FAM200B: variants seen among roughly 807,000 people sequenced by gnomAD.
FAM200B encodes protein FAM200B.
In FAM200B, 32 loss-of-function variants were observed where a neutral mutation model predicts 33.1. That is an observed-to-expected ratio of 0.97 (90% CI 0.73 to 1.30). FAM200B has a LOEUF of 1.30. Among genes scored for constraint, FAM200B ranks in the 50% most tolerant of loss-of-function variants. The pLI is 0.00. For missense variants in FAM200B, 741 were observed against 754.0 expected, an observed-to-expected ratio of 0.98 and a Z score of 0.20; for synonymous variants, 240 against 264.8, an observed-to-expected ratio of 0.91 and a Z score of 0.91.
intron 1 of FAM200B, among the ~76,000 whole-genome samples, chr4:15,683,020 T>C (rs1417028898): frequency 6.6e-6 from 1 of 152,160 alleles, no homozygotes; most frequent in Non-Finnish European, 1.5e-5. Flanking sequence ...GGAAGCTGAT[T>C]AGAGCTGTAT....
the FAM200B span, among the ~76,000 whole-genome samples, chr4:15,672,342 C>T: frequency 2.6e-3 from 394 of 152,314 alleles, 3 homozygotes; most frequent in African/African-American, 9.0e-3. Flanking sequence ...TGCTTAATGA[C>T]AGAGATATGT....
Position 15,687,625 on chromosome 4 carries a change from T to C in FAM200B, c.648T>C (p.Ile216=), listed in dbSNP as rs1196605300. The C allele has an allele frequency of 1.2e-5, 18 of 1,551,140 alleles. No individual in the cohort carries two copies. Among genetic ancestry groups the C allele is most frequent in the Non-Finnish European group, 1.6e-5 (18 of 1,146,698 alleles). ...TIAEHLETML[I]TRLQSGIDFA... is the part of the protein sequence containing the mutation. ...CAGAACATTTAGAAACAATGCTTATTACTCGTTTACAGTCTGGTATAGATT... is the reference window on the plus strand; with the variant it reads ...CAGAACATTTAGAAACAATGCTTATCACTCGTTTACAGTCTGGTATAGATT... Residue 216 remains isoleucine, a synonymous_variant, in exon 2 of 2, where the codon ATT becomes ATC. Transcript: ENST00000422728.
intron 1 of FAM200B, among the ~76,000 whole-genome samples, chr4:15,685,859 T>G (rs1560261768): frequency 6.6e-6 from 1 of 152,170 alleles, no homozygotes; most frequent in Non-Finnish European, 1.5e-5. Context: ...TGAAATATAC[T>G]ATGATCCAAG....
the FAM200B span, among the ~76,000 whole-genome samples, chr4:15,672,990 C>T: frequency 6.6e-6 from 1 of 152,100 alleles, no homozygotes; most frequent in Non-Finnish European, 1.5e-5. Flanking sequence ...CTTCCACTTC[C>T]AGATTTTGTC....
At chr4:15,639,610 T>C in the FAM200B span, among the ~76,000 whole-genome samples, 1 of 152,204 alleles carries the variant, frequency 6.6e-6, no homozygotes, top group African/African-American at 2.4e-5. Context: ...TTTTGTTTTG[T>C]TTTCACTTCC....
chr4:15,644,928 T>C, the FAM200B span, among the ~76,000 whole-genome samples: 1 of 152,140 alleles, frequency 6.6e-6, no homozygotes, highest in Non-Finnish European at 1.5e-5. Context: ...GAGGGCCTGG[T>C]GACACAGAAA....
chr4:15,663,988 C>G, the FAM200B span, among the ~76,000 whole-genome samples: 1 of 152,152 alleles, frequency 6.6e-6, no homozygotes, highest in Non-Finnish European at 1.5e-5. Context: ...TGTAGGCACT[C>G]TTATCCTGAT....
the FAM200B span, chr4:15,640,967 T>C: frequency 5.1e-5 from 34 of 665,476 alleles, no homozygotes; most frequent in Non-Finnish European, 8.0e-5. Flanking sequence ...AAATGTGACA[T>C]AAAACCTCCG....
the FAM200B span, among the ~76,000 whole-genome samples, chr4:15,670,519 A>G: frequency 6.6e-6 from 1 of 152,266 alleles, no homozygotes; most frequent in East Asian, 1.9e-4. Flanking sequence ...GCCTTATAAG[A>G]GGCATAAAAT....
the FAM200B span, among the ~76,000 whole-genome samples, chr4:15,665,454 T>C: frequency 6.6e-6 from 1 of 152,164 alleles, no homozygotes; most frequent in East Asian, 1.9e-4. Context: ...TTGCAGGAAT[T>C]ACCCCAACCA....
chr4:15,650,788 A>G, the FAM200B span, among the ~76,000 whole-genome samples: 320 of 147,854 alleles, frequency 2.2e-3, 2 homozygotes, highest in African/African-American at 7.6e-3. Context: ...CCCCGCCACC[A>G]TGCCCAGCTA....
At chr4:15,651,602 C>T in the FAM200B span, among the ~76,000 whole-genome samples, 9 of 152,078 alleles carry the variant, frequency 5.9e-5, no homozygotes, top group Non-Finnish European at 1.0e-4. Flanking sequence ...GGAAGGAAAA[C>T]TGACAATAAA....
the FAM200B span, chr4:15,655,380 C>A: frequency 9.3e-7 from 1 of 1,080,312 alleles, no homozygotes; most frequent in Non-Finnish European, 1.1e-6. Flanking sequence ...CCCCCTTGCG[C>A]ATGCGCCCGC....
the FAM200B span, among the ~76,000 whole-genome samples, chr4:15,647,880 G>A: frequency 6.6e-6 from 1 of 152,106 alleles, no homozygotes; most frequent in Non-Finnish European, 1.5e-5. Context: ...TTGAGACAGG[G>A]TCTTGCTCTG....
chr4:15,663,130 C>G, the FAM200B span, among the ~76,000 whole-genome samples: 8 of 152,100 alleles, frequency 5.3e-5, 1 homozygote. Flanking sequence ...CAGTCTTTTA[C>G]TGAAAATTCC....
Position 15,687,743 on chromosome 4 carries a change from GA to G in FAM200B, c.767del (p.Asp256ValfsTer6). ...TGCGTGGCAAGATGATTTTTTGGAG[GA>G]TTTTTTGTGTTTTTTAAATTTAACC... ...RYAWQDDFLE[D>X]FLCFLNLTSH... On this transcript the variant is annotated frameshift_variant, in exon 2 of 2. Transcript: ENST00000422728. LOFTEE classifies it high-confidence loss of function. 1.9e-6 allele frequency: 3 copies of G among 1,550,100 alleles called. No homozygotes were observed. The highest frequency in any genetic ancestry group is 2.6e-6 in the Non-Finnish European group (3 of 1,146,304).
At chr4:15,662,639 C>T in the FAM200B span, among the ~76,000 whole-genome samples, 1 of 152,166 alleles carries the variant, frequency 6.6e-6, no homozygotes, top group African/African-American at 2.4e-5. Context: ...TCACCATTCC[C>T]AGCCCAGAAA....
chr4:15,678,973 C>A (rs1718095794), upstream of FAM200B, among the ~76,000 whole-genome samples: 1 of 152,096 alleles, frequency 6.6e-6, no homozygotes, highest in Non-Finnish European at 1.5e-5. Flanking sequence ...AAAACAAACC[C>A]TTCACAAACT....
chr4:15,644,784 C>A, the FAM200B span: 1 of 1,048,932 alleles, frequency 9.5e-7, no homozygotes. Flanking sequence ...CAAATACATC[C>A]CTATTCACTT....
Sources: allele counts gnomAD v4.1 joint callset (sites outside exome capture counted in the v4.1 genomes callset), GRCh38; gene constraint gnomAD v4.1.1; transcripts MANE v1.5; gene names NCBI Gene and HGNC (gene_info 2026-07-23, HGNC 2026-07-21).